The following PPP2R5C variants were observed in gnomAD, a reference collection of about 807,000 sequenced individuals.
The protein encoded by PPP2R5C is serine/threonine-protein phosphatase 2A 56 kDa regulatory subunit gamma isoform.
Under a neutral mutation model 68.9 loss-of-function variants are expected in PPP2R5C, and 7 were observed. The ratio of observed to expected loss-of-function variants is 0.10; its 90% CI spans 0.06 to 0.19. The LOEUF (loss-of-function observed/expected upper bound fraction) is 0.19. Among genes scored for constraint, PPP2R5C ranks in the 10% least tolerant of loss-of-function variants. PPP2R5C has a pLI of 1.00. For missense variants in PPP2R5C, 348 were observed against 641.3 expected (o/e 0.54, Z 4.94); for synonymous variants, 210 against 222.2 (o/e 0.95, Z 0.49).
At chr14:101,807,901 C>T (rs2039137302), upstream of PPP2R5C, among the ~76,000 whole-genome samples, 1 of 150,036 alleles carries the variant, frequency 6.7e-6, no homozygotes, top group Non-Finnish European at 1.5e-5. Context: ...TTCTGTATTC[C>T]CACTCATCAG....
intron 3 of PPP2R5C, among the ~76,000 whole-genome samples, chr14:101,791,162 A>G (rs1156270346): frequency 6.6e-6 from 1 of 152,266 alleles, no homozygotes; most frequent in East Asian, 1.9e-4. Context: ...ATTTCCACCA[A>G]CAATGTATGA....
chr14:101,771,368 C>T (rs2037144790), intron 2 of PPP2R5C, among the ~76,000 whole-genome samples: 1 of 151,654 alleles, frequency 6.6e-6, no homozygotes, highest in Non-Finnish European at 1.5e-5. Context: ...TATTCTCCTG[C>T]CTCAGCCTCC....
chr14:101,809,221 C>CT (rs2039206068), upstream of PPP2R5C, among the ~76,000 whole-genome samples: 1 of 151,806 alleles, frequency 6.6e-6, no homozygotes, highest in Non-Finnish European at 1.5e-5. Context: ...TATAAAGCGG[C>CT]TTTCATTTTC....
upstream of PPP2R5C, among the ~76,000 whole-genome samples, chr14:101,806,714 C>G (rs1459413600): frequency 6.6e-6 from 1 of 152,152 alleles, no homozygotes; most frequent in Admixed American, 6.5e-5. Context: ...AATCTCAGCA[C>G]TTTGGGAGGC....
intron 11 of PPP2R5C, 87 bp from the exon 14 acceptor site, chr14:101,912,314 G>T (rs1343322795): frequency 1.7e-6 from 2 of 1,160,814 alleles, no homozygotes; most frequent in Admixed American, 2.9e-5. Context: ...CCGCTGGCTG[G>T]GCTCAACATG....
intron 3 of PPP2R5C, among the ~76,000 whole-genome samples, chr14:101,802,583 A>G (rs1484500127): frequency 6.6e-6 from 1 of 152,192 alleles, no homozygotes; most frequent in Non-Finnish European, 1.5e-5. Context: ...TTTCTTGGCT[A>G]TGATACCAAA....
rs1275979357 is a variant in PPP2R5C, at chr14:101,916,830, G to A, written c.1327-1001G>A. On this transcript the variant is annotated intron_variant, in intron 12 of 13. Transcript: ENST00000334743. The surrounding 1 kb of genome is among the most constrained non-coding windows in gnomAD (Gnocchi z 5.5). ...CACTGGGCAGAGAATGGAGGGGTGTGGATGAGAGCAGCCTGGGCAGGAACC... is the reference window on the plus strand; with the variant it reads ...CACTGGGCAGAGAATGGAGGGGTGTAGATGAGAGCAGCCTGGGCAGGAACC... Among the ~76,000 whole-genome samples the A allele has an allele frequency of 6.6e-6, 1 of 152,102 alleles. No individual in the cohort carries two copies. Among genetic ancestry groups the A allele is most frequent in the East Asian group, 1.9e-4 (1 of 5,188 alleles).
chr14:101,851,827 G>C (rs2042170805), intron 1 of PPP2R5C, among the ~76,000 whole-genome samples: 1 of 151,758 alleles, frequency 6.6e-6, no homozygotes, highest in Non-Finnish European at 1.5e-5. Context: ...TTTTCAATCA[G>C]TTTCCTATCC....
intron 2 of PPP2R5C, among the ~76,000 whole-genome samples, chr14:101,865,630 C>T (rs1279039779): frequency 6.6e-6 from 1 of 152,200 alleles, no homozygotes; most frequent in Admixed American, 6.5e-5. Flanking sequence ...TTTGGGTGAA[C>T]GGCTTGGTTC....
chr14:101,805,424 G>A (rs570168260), upstream of PPP2R5C, among the ~76,000 whole-genome samples: 1 of 152,250 alleles, frequency 6.6e-6, no homozygotes, highest in African/African-American at 2.4e-5. Context: ...AAAACAGTAT[G>A]GCAGTTCTTC....
intron 1 of PPP2R5C, among the ~76,000 whole-genome samples, chr14:101,827,336 CA>C (rs938587940): frequency 6.6e-6 from 1 of 152,176 alleles, no homozygotes; most frequent in Non-Finnish European, 1.5e-5. Context: ...TTGCATTTAT[CA>C]TTTATCCTGT....
At chr14:101,896,777 A>G (rs1369708461) in intron 8 of PPP2R5C, among the ~76,000 whole-genome samples, 1 of 152,130 alleles carries the variant, frequency 6.6e-6, no homozygotes, top group East Asian at 1.9e-4. Context: ...AAATGTTTGA[A>G]TGCTCTTTTA....
chr14:101,819,213 A>AGGG, intron 1 of PPP2R5C: 1 of 781,114 alleles, frequency 1.3e-6, no homozygotes, highest in South Asian at 1.7e-5. Flanking sequence ...GACTTCTCAA[A>AGGG]GGGGGGTAGC....
chr14:101,772,033 G>T (rs775064790), intron 2 of PPP2R5C, among the ~76,000 whole-genome samples: 4 of 152,174 alleles, frequency 2.6e-5, no homozygotes, highest in Admixed American at 1.3e-4. Context: ...ACCAGCAGAT[G>T]TGGAACATTT....
chr14:101,785,544 A>G (rs989551777), intron 2 of PPP2R5C, among the ~76,000 whole-genome samples: 1 of 152,004 alleles, frequency 6.6e-6, no homozygotes, highest in Non-Finnish European at 1.5e-5. Flanking sequence ...TCATTGTCCC[A>G]TTGCCTTCTC....
chr14:101,790,278 A>G (rs1159244315), intron 3 of PPP2R5C, among the ~76,000 whole-genome samples: 1 of 152,218 alleles, frequency 6.6e-6, no homozygotes, highest in Non-Finnish European at 1.5e-5. Flanking sequence ...CATAATTTAC[A>G]TATCCTAAAA....
At chr14:101,810,165 C>G in intron 1 of PPP2R5C, 1 of 848,682 alleles carries the variant, frequency 1.2e-6, no homozygotes, top group Non-Finnish European at 1.9e-6. Flanking sequence ...GCAGACTTAA[C>G]CAGAGGAGGT....
intron 2 of PPP2R5C, among the ~76,000 whole-genome samples, chr14:101,771,094 C>G (rs1008613280): frequency 6.6e-6 from 1 of 152,126 alleles, no homozygotes. Flanking sequence ...GTGCTGCTTC[C>G]CAAATCCAAA....
chr14:101,816,845 G>A (rs1377811388), intron 1 of PPP2R5C, among the ~76,000 whole-genome samples: 1 of 140,536 alleles, frequency 7.1e-6, no homozygotes, highest in Non-Finnish European at 1.5e-5. Flanking sequence ...CATAATGTTT[G>A]AGAGAAATAA....
Sources: gnomAD v4.1 joint callset for allele counts (sites outside exome capture counted in the v4.1 genomes callset) on GRCh38, gnomAD v4.1.1 for gene constraint, Gnocchi (gnomAD v3.1) non-coding constraint, MANE v1.5 for transcripts, NCBI Gene and HGNC (gene_info 2026-07-23, HGNC 2026-07-21) for gene names.